CIMIP4: variants seen among roughly 807,000 people sequenced by gnomAD.
The protein encoded by CIMIP4 is protein EAN57.
At chr22:36,999,402 G>A in the CIMIP4 span, among the ~76,000 whole-genome samples, 1 of 149,460 alleles carries the variant, frequency 6.7e-6, no homozygotes, top group Admixed American at 6.7e-5. Context: ...TGAGGTGGGA[G>A]GGTTGCTTTC....
chr22:36,994,614 G>C, the CIMIP4 span, among the ~76,000 whole-genome samples: 4 of 147,510 alleles, frequency 2.7e-5, no homozygotes, highest in African/African-American at 1.0e-4. Context: ...TGATCTGCCT[G>C]GCTCCGCCTC....
At chr22:36,991,679 C>A in the CIMIP4 span, 3 of 1,098,368 alleles carry the variant, frequency 2.7e-6, no homozygotes, top group Non-Finnish European at 2.8e-6. Flanking sequence ...GTTTCCTCTA[C>A]GGATGGTAAA....
chr22:37,003,356 C>T, the CIMIP4 span, among the ~76,000 whole-genome samples: 2 of 152,206 alleles, frequency 1.3e-5, no homozygotes, highest in Non-Finnish European at 2.9e-5. Context: ...ACTGGACTCT[C>T]TTCTCCCCAT....
chr22:36,999,766 C>T, the CIMIP4 span: 8 of 1,548,412 alleles, frequency 5.2e-6, no homozygotes, highest in Non-Finnish European at 7.0e-6. Flanking sequence ...GAGTGGAAAC[C>T]CCAAAGGCCT....
At chr22:36,997,777 G>C in the CIMIP4 span, among the ~76,000 whole-genome samples, 1 of 152,186 alleles carries the variant, frequency 6.6e-6, no homozygotes, top group East Asian at 1.9e-4. Context: ...CTTCCAGCAG[G>C]CTTCACGACC....
chr22:36,995,520 G>A, the CIMIP4 span, among the ~76,000 whole-genome samples: 57 of 152,162 alleles, frequency 3.7e-4, no homozygotes, highest in South Asian at 8.3e-4. Flanking sequence ...TGGTTCCCCC[G>A]CAGCCCTGTC....
chr22:37,002,329 G>C, the CIMIP4 span: 26 of 1,307,230 alleles, frequency 2.0e-5, no homozygotes, highest in Admixed American at 2.2e-4. Context: ...AGAAACAGAG[G>C]GGGAGGGAGA....
the CIMIP4 span, chr22:37,001,982 G>A: frequency 6.2e-7 from 1 of 1,614,028 alleles, no homozygotes; most frequent in African/African-American, 1.3e-5. Context: ...CCCCTGGCAT[G>A]GCTGAGCCCC....
At chr22:37,000,087 G>C in the CIMIP4 span, 5 of 1,410,002 alleles carry the variant, frequency 3.5e-6, no homozygotes, top group South Asian at 5.7e-5. Flanking sequence ...TCCCCACCCC[G>C]ATCCCACCTG....
At chr22:37,003,527 G>T in the CIMIP4 span, among the ~76,000 whole-genome samples, 2 of 152,148 alleles carry the variant, frequency 1.3e-5, no homozygotes, top group African/African-American at 4.8e-5. Context: ...TCCCTCCCAA[G>T]CCTTTGCCTG....
the CIMIP4 span, among the ~76,000 whole-genome samples, chr22:36,996,403 A>G: frequency 6.6e-6 from 1 of 152,130 alleles, no homozygotes; most frequent in Non-Finnish European, 1.5e-5. Flanking sequence ...AAGTTAGAAA[A>G]TATAATTTTA....
At chr22:37,000,119 T>G in the CIMIP4 span, 1 of 1,161,170 alleles carries the variant, frequency 8.6e-7, no homozygotes, top group Non-Finnish European at 1.2e-6. Context: ...CCTCAACCTA[T>G]TCACAGGGCT....
chr22:37,002,103 G>T, the CIMIP4 span: 15 of 1,573,862 alleles, frequency 9.5e-6, no homozygotes, highest in South Asian at 1.5e-4. Flanking sequence ...GCAGTCGGGG[G>T]TGGAGGGGGA....
the CIMIP4 span, among the ~76,000 whole-genome samples, chr22:37,006,041 C>CT: frequency 6.6e-6 from 1 of 152,128 alleles, no homozygotes; most frequent in Non-Finnish European, 1.5e-5. Context: ...AAAGAGATGC[C>CT]TGATATATCC....
At chr22:36,998,978 G>A in the CIMIP4 span, among the ~76,000 whole-genome samples, 41,029 of 151,918 alleles carry the variant, frequency 0.27, 5,730 homozygotes, top group Admixed American at 0.3. Flanking sequence ...AGAAGGCAGC[G>A]GAGGCTTGCA....
At chr22:37,005,894 A>G in the CIMIP4 span, among the ~76,000 whole-genome samples, 4 of 152,214 alleles carry the variant, frequency 2.6e-5, no homozygotes, top group Non-Finnish European at 5.9e-5. Context: ...AAAAGATGCT[A>G]AAATTAAGAA....
At chr22:37,007,038 G>T in the CIMIP4 span, among the ~76,000 whole-genome samples, 1 of 152,134 alleles carries the variant, frequency 6.6e-6, no homozygotes, top group Non-Finnish European at 1.5e-5. Flanking sequence ...ATGTGAATGG[G>T]TTCCTTCTCT....
chr22:36,999,989 G>C, the CIMIP4 span: 21 of 1,604,358 alleles, frequency 1.3e-5, no homozygotes, highest in Admixed American at 1.4e-4. Flanking sequence ...TTGAGCCTGA[G>C]CAGGGAGGCA....
chr22:36,992,358 C>A, the CIMIP4 span, among the ~76,000 whole-genome samples: 3 of 151,868 alleles, frequency 2.0e-5, no homozygotes, highest in African/African-American at 7.3e-5. Context: ...AACAAACAAA[C>A]AAACAAACAA....
Sources: gnomAD v4.1 joint callset for allele counts (sites outside exome capture counted in the v4.1 genomes callset) on GRCh38, gnomAD v4.1.1 for gene constraint, MANE v1.5 for transcripts, NCBI Gene and HGNC (gene_info 2026-07-23, HGNC 2026-07-21) for gene names.